The following GPR85 variants were observed in gnomAD, a reference collection of about 807,000 sequenced individuals.
GPR85 encodes probable G protein-coupled receptor 85.
Under a neutral mutation model 21.3 loss-of-function variants are expected in GPR85, and 7 were observed. The observed-to-expected ratio is 0.33, with a 90% CI of 0.19 to 0.62. The LOEUF is 0.62. GPR85 is among the 20% of genes least tolerant of loss of function. The probability of loss-of-function intolerance (pLI) is 0.80; values close to 1 mark genes in which losing one functional copy is unlikely to be tolerated. For missense variants in GPR85, 299 were observed against 443.8 expected, an observed-to-expected ratio of 0.67 and a Z score of 2.93; for synonymous variants, 167 against 166.1, an observed-to-expected ratio of 1.01 and a Z score of -0.04.
In GPR85 at chr7:113,086,398, T is replaced by TTTTTTTTTTTTG. The variant is rs1794287087; in HGVS notation, c.-366_-365insCAAAAAAAAAAA. 4.0e-5 allele frequency: 1 copy of TTTTTTTTTTTTG among 24,814 alleles called. No homozygotes were observed. The allele number at this position is 24,814 out of a possible 1,614,324, so 1.5% of individuals were successfully genotyped here. A position where few individuals can be genotyped will look rare whatever the true frequency, so the allele number is the denominator to read the frequency against. On this transcript the variant is annotated 5_prime_UTR_variant, in exon 1 of 3. Coordinates refer to ENST00000424100, the MANE Select transcript of GPR85 (RefSeq NM_001146267.2). The stretch of plus-strand genomic sequence containing the variant: ...GATTTTTTTCTTTTTTTCTTTTTCT[T>TTTTTTTTTTTTG]TTTTTTTTTTTTTTTTTTGTTTTTT...
Position 113,086,425 on chromosome 7 carries a change from T to TTTTTTTTG in GPR85, c.-393_-392insCAAAAAAA, listed in dbSNP as rs1794298795. ...TTTTTTTTTTTTTTTTTGTTTTTTG[T>TTTTTTTTG]TTTTTTTTTTTTTTTTTTTGCCTTA... On this transcript the variant is annotated 5_prime_UTR_variant, in exon 1 of 3. The change abolishes the stop of an existing upstream ORF in the 5' untranslated region. Transcript: ENST00000424100. 1.6e-5 allele frequency: 1 copy of TTTTTTTTG among 62,888 alleles called. No homozygotes were observed. Among genetic ancestry groups the TTTTTTTTG allele is most frequent in the African/African-American group, 8.1e-5 (1 of 12,284 alleles). 3.9% of individuals were successfully genotyped at this position (62,888 alleles called of 1,614,324 possible).
rs780722391 is a variant in GPR85 at position 113,084,137 on chromosome 7, G to T, written c.585C>A (p.Leu195=). The T allele has an allele frequency of 3.0e-5, 48 of 1,614,070 alleles. No homozygotes were observed. Among genetic ancestry groups the T allele is most frequent in the Middle Eastern group, 3.3e-4 (2 of 6,082 alleles). Reference sequence around the variant, plus strand: ...TGAGGTAGACAAGCTGTGTGGCTAGGAGGATGAGAGCAAGAAGCAGCATAA... The same window carrying T: ...TGAGGTAGACAAGCTGTGTGGCTAGTAGGATGAGAGCAAGAAGCAGCATAA... ...LGFMLLLALI[L]LATQLVYLKL... The change falls in exon 3 of 3, where the codon CTC becomes CTA. Residue 195 remains leucine (L), a synonymous_variant. Transcript: ENST00000424100.
At position 113,084,767 on chromosome 7, in the gene GPR85, C is replaced by A. The variant is rs769739606; in HGVS notation, c.-46G>T. On this transcript the variant is annotated 5_prime_UTR_variant, in exon 3 of 3. The change abolishes the stop of an existing upstream ORF in the 5' untranslated region. Transcript: ENST00000424100. Reference sequence around the variant, plus strand: ...TACAGCCTCAGTCAAGTCTCATGATCTAGATATAAGAACAAGGAAAAGATA... The same window carrying A: ...TACAGCCTCAGTCAAGTCTCATGATATAGATATAAGAACAAGGAAAAGATA... 7.8e-6 allele frequency: 11 copies of A among 1,409,298 alleles called. No individual in the cohort carries two copies. In the East Asian group the frequency reaches 2.3e-4, roughly 29 times the overall value. The allele number at this position is 1,409,298 out of a possible 1,614,324, so 87.3% of individuals were successfully genotyped here.
In GPR85 at chr7:113,086,426, T is replaced by TTTTTTTTTTTTTTTTTTTTTTTG. The variant is rs1794299341; in HGVS notation, c.-394_-393insCAAAAAAAAAAAAAAAAAAAAAA. ...TTTTTTTTTTTTTTTTGTTTTTTGT[T>TTTTTTTTTTTTTTTTTTTTTTTG]TTTTTTTTTTTTTTTTTTGCCTTAG... On this transcript the variant is annotated 5_prime_UTR_variant, in exon 1 of 3. It removes the in-frame stop codon of an upstream open reading frame in the 5' UTR. Coordinates refer to ENST00000424100, the MANE Select transcript of GPR85 (RefSeq NM_001146267.2). 2.0e-5 allele frequency: 2 copies of TTTTTTTTTTTTTTTTTTTTTTTG among 99,924 alleles called. No homozygotes were observed. Among genetic ancestry groups the TTTTTTTTTTTTTTTTTTTTTTTG allele is most frequent in the African/African-American group, 8.5e-5 (2 of 23,606 alleles). 6.2% of individuals were successfully genotyped at this position (99,924 alleles called of 1,614,324 possible).
rs944517739 is a variant in GPR85 at position 113,082,825 on chromosome 7, T to G, written c.*784A>C. 2 of 152,142 alleles carry G rather than the reference T, an allele frequency of 1.3e-5. No individual in the cohort carries two copies. The highest frequency in any genetic ancestry group is 2.9e-5 in the Non-Finnish European group (2 of 67,960). The allele number at this position is 152,142 out of a possible 1,614,324, so 9.4% of individuals were successfully genotyped here. A position where few individuals can be genotyped will look rare whatever the true frequency, so the allele number is the denominator to read the frequency against. ...ATTTATTCTGCATTATTAGAACTGC[T>G]CAGTTGTGACAGGCTGGTACCATTA... On this transcript the variant is annotated 3_prime_UTR_variant, in exon 3 of 3. Coordinates refer to ENST00000424100, the MANE Select transcript of GPR85 (RefSeq NM_001146267.2).
chr7:113,084,062 A>G lies in GPR85; in HGVS notation c.660T>C (p.Phe220=). The change falls in exon 3 of 3, where the codon TTT becomes TTC. Residue 220 remains phenylalanine, a synonymous_variant. Coordinates refer to ENST00000424100, the MANE Select transcript of GPR85 (RefSeq NM_001146267.2). ...HDRRKMKPVQ[F]VAAVSQNWTF... The stretch of plus-strand genomic sequence containing the variant: ...TCCAGTTCTGGCTGACTGCTGCTAC[A>G]AACTGGACTGGCTTCATTTTTCTTC... The G allele has an allele frequency of 5.0e-6, 8 of 1,614,174 alleles. No individual in the cohort carries two copies. Among genetic ancestry groups the G allele is most frequent in the Non-Finnish European group, 6.8e-6 (8 of 1,180,026 alleles).
chr7:113,083,632 T>G lies in GPR85; in HGVS notation c.1090A>C (p.Arg364=), dbSNP rs1180099814. 6.2e-7 allele frequency: 1 copy of G among 1,613,922 alleles called. No homozygotes were observed. The highest frequency in any genetic ancestry group is 8.5e-7 in the Non-Finnish European group (1 of 1,179,870). ...CCTCATATAACACAGTAAGGTTCCC[T>G]TGGTAACCTGGATTTTCTGCAGTAA... ...LLYCRKSRLP[R]EPYCVI Residue 364 remains arginine (R), a synonymous_variant, in exon 3 of 3, where the codon AGG becomes CGG. Transcript: ENST00000424100. This position sits in a 1 kb window ranked among gnomAD's most constrained non-coding sequence, Gnocchi z 4.4.
Position 113,086,396 on chromosome 7 carries a change from C to CTTTTTTTTTTTTTTTTTTGTTT in GPR85, c.-364_-363insAAACAAAAAAAAAAAAAAAAAA, listed in dbSNP as rs1794283693. On this transcript the variant is annotated 5_prime_UTR_variant, in exon 1 of 3. The change abolishes the stop of an existing upstream ORF in the 5' untranslated region. Transcript: ENST00000424100. ...CTGATTTTTTTCTTTTTTTCTTTTT[C>CTTTTTTTTTTTTTTTTTTGTTT]TTTTTTTTTTTTTTTTTTTTGTTTT... The CTTTTTTTTTTTTTTTTTTGTTT allele has an allele frequency of 1.5e-4, 7 of 48,066 alleles. No individual in the cohort carries two copies. Among genetic ancestry groups the CTTTTTTTTTTTTTTTTTTGTTT allele is most frequent in the African/African-American group, 1.8e-4 (2 of 10,958 alleles). The allele number at this position is 48,066 out of a possible 1,614,324, so 3.0% of individuals were successfully genotyped here.
rs1794280191 is a variant in GPR85 at position 113,086,386 on chromosome 7, T to G, written c.-353A>C. On this transcript the variant is annotated 5_prime_UTR_variant, in exon 1 of 3. Transcript: ENST00000424100. ...CTATAAATTGCTGATTTTTTTCTTT[T>G]TTTCTTTTTCTTTTTTTTTTTTTTT... 1 of 130,310 alleles carries G rather than the reference T, an allele frequency of 7.7e-6. No individual in the cohort carries two copies. Among genetic ancestry groups the G allele is most frequent in the African/African-American group, 2.9e-5 (1 of 34,578 alleles). 8.1% of individuals were successfully genotyped at this position (130,310 alleles called of 1,614,324 possible). A position where few individuals can be genotyped will look rare whatever the true frequency, so the allele number is the denominator to read the frequency against.
intron 2 of GPR85, among the ~76,000 whole-genome samples, chr7:113,085,479 T>C (rs1407206926): frequency 1.3e-5 from 2 of 152,208 alleles, no homozygotes; most frequent in Non-Finnish European, 2.9e-5. Context: ...CTCTCCACCC[T>C]ACCCCCCATT....
upstream of GPR85, chr7:113,087,537 A>G (rs1255907559): frequency 1.9e-5 from 3 of 154,370 alleles, no homozygotes; most frequent in African/African-American, 7.2e-5. Context: ...TTATTTTACC[A>G]TTTCCGAAGA....
At position 113,083,171 on chromosome 7, in the gene GPR85, T is replaced by C. The variant is rs925220517; in HGVS notation, c.*438A>G. On this transcript the variant is annotated 3_prime_UTR_variant, in exon 3 of 3. Coordinates refer to ENST00000424100, the MANE Select transcript of GPR85 (RefSeq NM_001146267.2). This position sits in a 1 kb window ranked among gnomAD's most constrained non-coding sequence, Gnocchi z 4.4. ...TATTTTAGTCTTTGCAAAACAATAG[T>C]AGTATGAAATGTTTTAAAGTCTTCA... The C allele has an allele frequency of 1.5e-4, 23 of 155,470 alleles. No homozygotes were observed. Among genetic ancestry groups the C allele is most frequent in the Non-Finnish European group, 2.9e-5 (2 of 70,122 alleles). The allele number at this position is 155,470 out of a possible 1,614,324, so 9.6% of individuals were successfully genotyped here.
chr7:113,084,858 C>T lies in GPR85; in HGVS notation c.-137G>A. ...CTGATCTGATCTGCAGTCATGCTTC[C>T]TCTTTTCTTCCACTTGTTTTGCCAT... On this transcript the variant is annotated 5_prime_UTR_variant, in exon 3 of 3. Coordinates refer to ENST00000424100, the MANE Select transcript of GPR85 (RefSeq NM_001146267.2). 2.1e-6 allele frequency: 1 copy of T among 480,870 alleles called. No homozygotes were observed. Among genetic ancestry groups the T allele is most frequent in the South Asian group, 4.5e-5 (1 of 22,328 alleles). 29.8% of individuals were successfully genotyped at this position (480,870 alleles called of 1,614,324 possible). A position where few individuals can be genotyped will look rare whatever the true frequency, so the allele number is the denominator to read the frequency against.
At chr7:113,085,804 GC>G (rs1488240737) in intron 2 of GPR85, among the ~76,000 whole-genome samples, 187 bp downstream of exon 2, 6 of 152,228 alleles carry the variant, frequency 3.9e-5, no homozygotes, top group African/African-American at 1.4e-4. Flanking sequence ...CTTCTCACTG[GC>G]CCGGAATATG....
chr7:113,086,396 C>CTTTTTTTTTTTTTCT lies in GPR85; in HGVS notation c.-364_-363insAGAAAAAAAAAAAAA, dbSNP rs1794283117. The CTTTTTTTTTTTTTCT allele has an allele frequency of 2.1e-5, 1 of 48,068 alleles. No individual in the cohort carries two copies. The highest frequency in any genetic ancestry group is 3.6e-5 in the Non-Finnish European group (1 of 28,134). The allele number at this position is 48,068 out of a possible 1,614,324, so 3.0% of individuals were successfully genotyped here. ...CTGATTTTTTTCTTTTTTTCTTTTT[C>CTTTTTTTTTTTTTCT]TTTTTTTTTTTTTTTTTTTTGTTTT... On this transcript the variant is annotated 5_prime_UTR_variant, in exon 1 of 3. Coordinates refer to ENST00000424100, the MANE Select transcript of GPR85 (RefSeq NM_001146267.2).
chr7:113,086,415 T>TG lies in GPR85; in HGVS notation c.-383_-382insC, dbSNP rs1794295315. The TG allele has an allele frequency of 4.3e-4, 26 of 60,640 alleles. No individual in the cohort carries two copies. The highest frequency in any genetic ancestry group is 0.011 in the Middle Eastern group (1 of 94). 3.8% of individuals were successfully genotyped at this position (60,640 alleles called of 1,614,324 possible). A position where few individuals can be genotyped will look rare whatever the true frequency, so the allele number is the denominator to read the frequency against. ...CTTTTTCTTTTTTTTTTTTTTTTTT[T>TG]TGTTTTTTGTTTTTTTTTTTTTTTT... On this transcript the variant is annotated 5_prime_UTR_variant, in exon 1 of 3. An upstream open reading frame in the 5' UTR gains an earlier in-frame stop. Transcript: ENST00000424100.
chr7:113,087,160 G>A (rs986660817), upstream of GPR85, among the ~76,000 whole-genome samples: 4 of 152,196 alleles, frequency 2.6e-5, no homozygotes, highest in Admixed American at 1.3e-4. Context: ...GCAAATATGC[G>A]TAAAAGTAGG....
rs1794283242 is a variant in GPR85, at chr7:113,086,396, C to CTTTTTTTTTTTTTTTCTTTTTT, written c.-364_-363insAAAAAAGAAAAAAAAAAAAAAA. ...CTGATTTTTTTCTTTTTTTCTTTTT[C>CTTTTTTTTTTTTTTTCTTTTTT]TTTTTTTTTTTTTTTTTTTTGTTTT... On this transcript the variant is annotated 5_prime_UTR_variant, in exon 1 of 3. The change abolishes the stop of an existing upstream ORF in the 5' untranslated region. Transcript: ENST00000424100. 1 of 48,066 alleles carries CTTTTTTTTTTTTTTTCTTTTTT rather than the reference C, an allele frequency of 2.1e-5. No individual in the cohort carries two copies. The allele number at this position is 48,066 out of a possible 1,614,324, so 3.0% of individuals were successfully genotyped here.
chr7:113,084,365 T>A lies in GPR85; in HGVS notation c.357A>T (p.Arg119Ser). ...AFMLFCISVT[R>S]YLAIAHHRFY... Reference sequence around the variant, plus strand: ...AGCGGTGATGGGCGATAGCTAAATATCTGGTGACACTGATGCAGAAGAGCA... The same window carrying A: ...AGCGGTGATGGGCGATAGCTAAATAACTGGTGACACTGATGCAGAAGAGCA... The change falls in exon 3 of 3, where the codon AGA (arginine) becomes AGT (serine). Residue 119 changes from arginine (R) to serine (S), a missense_variant. Arg to Ser is a moderately radical substitution (Grantham distance 110). This residue lies in a region of GPR85 where 198 missense variants were observed against 335.4 expected (regional missense o/e 0.59). Transcript: ENST00000424100. The A allele has an allele frequency of 6.2e-7, 1 of 1,613,912 alleles. No individual in the cohort carries two copies. The highest frequency in any genetic ancestry group is 8.5e-7 in the Non-Finnish European group (1 of 1,179,880).
Sources: allele counts gnomAD v4.1 joint callset (sites outside exome capture counted in the v4.1 genomes callset), GRCh38; gene constraint gnomAD v4.1.1; regional missense constraint gnomAD v4.1.1; non-coding constraint Gnocchi (gnomAD v3.1); transcripts MANE v1.5; gene names NCBI Gene and HGNC (gene_info 2026-07-23, HGNC 2026-07-21).